The following LIMCH1 variants were observed in gnomAD, a reference collection of about 807,000 sequenced individuals.
LIMCH1 encodes the protein LIM and calponin homology domains-containing protein 1.
In LIMCH1, 113 loss-of-function variants were observed where a neutral mutation model predicts 176.5. That is an observed-to-expected ratio of 0.64 (90% CI 0.55 to 0.75). The LOEUF (loss-of-function observed/expected upper bound fraction) is 0.75, where lower values mean the gene tolerates loss of function less well. LIMCH1 is among the 30% of genes least tolerant of loss of function. The pLI is 0.00. For missense variants in LIMCH1, 1,674 were observed against 1,814.9 expected, an observed-to-expected ratio of 0.92 and a Z score of 1.41; for synonymous variants, 619 against 645.9, an observed-to-expected ratio of 0.96 and a Z score of 0.63.
chr4:41,682,676 TTC>T (rs1431077476), intron 26 of LIMCH1, among the ~76,000 whole-genome samples: 32 of 104,924 alleles, frequency 3.0e-4, no homozygotes, highest in Non-Finnish European at 5.6e-4. Flanking sequence ...TTTCTTCTTC[TTC>T]TTTTTTTTTT....
chr4:41,403,449 C>T (rs1388051066), intron 1 of LIMCH1, among the ~76,000 whole-genome samples: 2 of 152,028 alleles, frequency 1.3e-5, no homozygotes, highest in Admixed American at 6.6e-5. Context: ...GGGGTGGTGG[C>T]GCGTGTCTGT....
At chr4:41,610,446 G>A (rs1413695659) in intron 4 of LIMCH1, among the ~76,000 whole-genome samples, 1 of 152,196 alleles carries the variant, frequency 6.6e-6, no homozygotes, top group Non-Finnish European at 1.5e-5. Context: ...AGGAGTGTCA[G>A]GATGTGTAGA....
chr4:41,420,331 C>T (rs117360597), intron 1 of LIMCH1, among the ~76,000 whole-genome samples: 2,314 of 152,168 alleles, frequency 0.015, 39 homozygotes, highest in East Asian at 0.093. Flanking sequence ...AAGGTTCCCA[C>T]CCCCATTTTT....
At chr4:41,531,476 A>T (rs10009623) in intron 3 of LIMCH1, among the ~76,000 whole-genome samples, 19,889 of 126,826 alleles carry the variant, frequency 0.16, 1,959 homozygotes, top group South Asian at 0.36. Flanking sequence ...TTTCTCTGTC[A>T]CACACACACA....
rs556140659 is a variant in LIMCH1 at position 41,449,053 on chromosome 4, C to T, written c.97-45483C>T. Among the ~76,000 whole-genome samples the T allele has an allele frequency of 3.3e-5, 5 of 152,246 alleles. No individual in the cohort carries two copies. In the South Asian group the frequency reaches 6.2e-4, roughly 19 times the overall value. On this transcript the variant is annotated intron_variant, in intron 1 of 26. Coordinates refer to the LIMCH1 transcript ENST00000313860. ...AAAGCTGGTATTTTCTCCACACGCC[C>T]CTGTGACTCAGCCTCTGTGGGCCTC...
chr4:41,645,135 C>G (rs1411120394), intron 15 of LIMCH1, among the ~76,000 whole-genome samples: 1 of 152,104 alleles, frequency 6.6e-6, no homozygotes, highest in Non-Finnish European at 1.5e-5. Flanking sequence ...ACATAGCTAG[C>G]GAGTGGGGGA....
At chr4:41,641,417 C>T in intron 14 of LIMCH1, among the ~76,000 whole-genome samples, 1 of 151,120 alleles carries the variant, frequency 6.6e-6, no homozygotes, top group Non-Finnish European at 1.5e-5. Context: ...ATATATCACT[C>T]ATAGGTTTGT....
intron 13 of LIMCH1, among the ~76,000 whole-genome samples, chr4:41,635,918 C>T (rs542936792): frequency 6.6e-6 from 1 of 152,160 alleles, no homozygotes; most frequent in Admixed American, 6.5e-5. Flanking sequence ...CAAAAGTAAA[C>T]TTTATTTTAT....
intron 2 of LIMCH1, among the ~76,000 whole-genome samples, chr4:41,600,928 C>T (rs563538899): frequency 4.6e-5 from 7 of 152,260 alleles, no homozygotes; most frequent in South Asian, 4.2e-4. Flanking sequence ...TTGATTTTTC[C>T]GTCTTTTTTT....
At chr4:41,483,443 C>T (rs2068990801) in intron 1 of LIMCH1, among the ~76,000 whole-genome samples, 1 of 152,118 alleles carries the variant, frequency 6.6e-6, no homozygotes, top group Non-Finnish European at 1.5e-5. Flanking sequence ...AAATGTCATT[C>T]TGGAAGAATC....
chr4:41,629,379 C>A, intron 8 of LIMCH1, 113 bp from the exon 9 acceptor site: 2 of 1,235,404 alleles, frequency 1.6e-6, no homozygotes, highest in Non-Finnish European at 2.2e-6. Context: ...GTGTTTCCAT[C>A]ATTTTGTTCT....
chr4:41,455,307 C>A (rs969310687), intron 1 of LIMCH1, among the ~76,000 whole-genome samples: 3 of 152,068 alleles, frequency 2.0e-5, no homozygotes, highest in African/African-American at 4.8e-5. Flanking sequence ...GTGTGTTCCC[C>A]TTAACTCTAA....
rs766473402 is a variant in LIMCH1, at chr4:41,689,527, G to A, written c.4167G>A (p.Arg1389=). 6.4e-7 allele frequency: 1 copy of A among 1,569,870 alleles called. No individual in the cohort carries two copies. The highest frequency in any genetic ancestry group is 2.2e-5 in the East Asian group (1 of 44,656). ...SPTPPGQSPN[R]SISGKKLCSS... is the part of the protein sequence containing the mutation. ...TTCTTATGTATATTTTTAAACCTAG[G>A]TCTATAAGTGGAAAGAAGCTGTGCT... The change falls in exon 30 of 32, where the codon AGG becomes AGA. Residue 1389 remains arginine (R), a splice_region_variant and synonymous_variant. Transcript: ENST00000503057.
intron 15 of LIMCH1, 125 bp from the exon 16 acceptor site, chr4:41,645,998 C>T (rs1353240549): frequency 3.2e-5 from 30 of 951,096 alleles, no homozygotes; most frequent in South Asian, 1.8e-4. Flanking sequence ...GGAATGCACA[C>T]GATGTTATAG....
At chr4:41,360,096 G>A, upstream of LIMCH1, among the ~76,000 whole-genome samples, 1 of 151,836 alleles carries the variant, frequency 6.6e-6, no homozygotes, top group Non-Finnish European at 1.5e-5. The surrounding 1 kb of genome is among the most constrained non-coding windows in gnomAD (Gnocchi z 4.5). Flanking sequence ...CCCAGTGCCT[G>A]ACGCATAGTA....
intron 31 of LIMCH1, chr4:41,693,100 G>C (rs909648394): frequency 1.3e-5 from 2 of 152,260 alleles, no homozygotes; most frequent in African/African-American, 4.8e-5. Flanking sequence ...AAAATGGCCA[G>C]TGGCTTGCCT....
chr4:41,363,757 G>A (rs772390220), intron 1 of LIMCH1, among the ~76,000 whole-genome samples: 11 of 152,038 alleles, frequency 7.2e-5, no homozygotes, highest in Non-Finnish European at 1.6e-4. Flanking sequence ...AAGCTCTAAC[G>A]GAGCACTAGA....
chr4:41,605,939 A>G lies in LIMCH1; in HGVS notation c.-57A>G, dbSNP rs747304804. Reference sequence around the variant, plus strand: ...GCTGGGAAAAGCAGCAAACAGCTGCACATCCTACAGCGGAACGACACTAAA... The same window carrying G: ...GCTGGGAAAAGCAGCAAACAGCTGCGCATCCTACAGCGGAACGACACTAAA... On this transcript the variant is annotated 5_prime_UTR_variant, in exon 4 of 32. Coordinates refer to ENST00000503057, the MANE Select transcript of LIMCH1 (RefSeq NM_001330672.2). 6.2e-7 allele frequency: 1 copy of G among 1,613,872 alleles called. No homozygotes were observed. The highest frequency in any genetic ancestry group is 1.7e-5 in the Admixed American group (1 of 60,016).
At chr4:41,495,860 C>G (rs1358088111) in intron 2 of LIMCH1, among the ~76,000 whole-genome samples, 1 of 152,138 alleles carries the variant, frequency 6.6e-6, no homozygotes, top group Non-Finnish European at 1.5e-5. Flanking sequence ...CTTCTTTCTT[C>G]AAAGAAAAAT....
Sources: allele counts gnomAD v4.1 joint callset (sites outside exome capture counted in the v4.1 genomes callset), GRCh38; gene constraint gnomAD v4.1.1; non-coding constraint Gnocchi (gnomAD v3.1); transcripts MANE v1.5; gene names NCBI Gene and HGNC (gene_info 2026-07-23, HGNC 2026-07-21).